Variants in BCAS3 observed in about 807,000 individuals in gnomAD.
The protein encoded by BCAS3 is BCAS4/BCAS3 fusion.
In BCAS3, 53 loss-of-function variants were observed where a neutral mutation model predicts 116.1. The ratio of observed to expected loss-of-function variants is 0.46; its 90% CI spans 0.37 to 0.57. BCAS3 has a LOEUF of 0.57. Among genes scored for constraint, BCAS3 ranks in the 20% least tolerant of loss-of-function variants. BCAS3 has a pLI of 0.00. For missense variants in BCAS3, 917 were observed against 1,165.4 expected (o/e 0.79, Z 3.10); for synonymous variants, 391 against 408.2 (o/e 0.96, Z 0.51).
chr17:60,698,140 C>T (rs2035867066), intron 4 of BCAS3, among the ~76,000 whole-genome samples: 1 of 143,066 alleles, frequency 7.0e-6, no homozygotes, highest in African/African-American at 2.6e-5. Flanking sequence ...GCCGAGATTG[C>T]ACCGCTGCAC....
At chr17:61,000,465 T>C (rs887130101) in intron 15 of BCAS3, among the ~76,000 whole-genome samples, 1 of 152,112 alleles carries the variant, frequency 6.6e-6, no homozygotes, top group Non-Finnish European at 1.5e-5. Context: ...CTTTTCTTTC[T>C]GTAAAATTGG....
intron 3 of BCAS3, among the ~76,000 whole-genome samples, chr17:60,684,449 T>C (rs147868976): frequency 6.8e-4 from 104 of 152,262 alleles, no homozygotes; most frequent in African/African-American, 2.4e-3. Flanking sequence ...TTGAGCAGCA[T>C]TTTTATGCCA....
In BCAS3 at chr17:60,830,425, C is replaced by A. The variant is rs543949624; in HGVS notation, c.476+22349C>A. Among the ~76,000 whole-genome samples, 153 of 152,172 alleles carry A rather than the reference C, an allele frequency of 1.0e-3. 1 individual carries two copies. In the Middle Eastern group the frequency reaches 0.014, roughly 14 times the overall value. ...CAGAAATCCTTGATGTCATCTAGAT[C>A]ATGAAGGGGAAAAATGGGACAAACA... On this transcript the variant is annotated intron_variant, in intron 7 of 23. Transcript: ENST00000407086.
rs1600730940 is a variant in BCAS3 at position 61,045,876 on chromosome 17, A to ATAAATATATATTT, written c.2029+4984_2029+4985insTAAATATATATTT. Among the ~76,000 whole-genome samples the ATAAATATATATTT allele has an allele frequency of 1.0e-4, 4 of 39,730 alleles. No individual in the cohort carries two copies. In the African/African-American group the frequency reaches 1.3e-3, roughly 13 times the overall value. 26.1% of individuals were successfully genotyped at this position (39,730 alleles called of 152,430 possible). A position where few individuals can be genotyped will look rare whatever the true frequency, so the allele number is the denominator to read the frequency against. ...ATATATATATATATAAATATATATA[A>ATAAATATATATTT]ATATATATTATATATATAATATATA... On this transcript the variant is annotated intron_variant, in intron 19 of 23. Transcript: ENST00000407086.
chr17:60,810,237 T>A, intron 7 of BCAS3: 1 of 435,794 alleles, frequency 2.3e-6, no homozygotes, highest in Non-Finnish European at 4.5e-6. Context: ...TGCCCAGCTA[T>A]GGCACCCAGC....
At chr17:60,930,468 A>AT (rs1284570597) in intron 13 of BCAS3, among the ~76,000 whole-genome samples, 2 of 152,034 alleles carry the variant, frequency 1.3e-5, no homozygotes, top group Non-Finnish European at 2.9e-5. Flanking sequence ...TCATTCATTC[A>AT]TTTTTTGAGA....
At chr17:61,005,748 T>G (rs184358061) in intron 15 of BCAS3, among the ~76,000 whole-genome samples, 52 of 151,290 alleles carry the variant, frequency 3.4e-4, no homozygotes, top group Non-Finnish European at 6.2e-4. Flanking sequence ...TTACATTTTG[T>G]GGCTATACTT....
intron 22 of BCAS3, among the ~76,000 whole-genome samples, chr17:61,160,716 A>G (rs927284886): frequency 3.3e-5 from 5 of 152,182 alleles, no homozygotes; most frequent in Non-Finnish European, 5.9e-5. Context: ...ACTACTGATT[A>G]TAGTGGACCA....
At chr17:60,748,444 C>T (rs1197320079) in intron 6 of BCAS3, among the ~76,000 whole-genome samples, 11 of 152,176 alleles carry the variant, frequency 7.2e-5, no homozygotes. Context: ...CTCTGTCACT[C>T]TCTCTCTTGT....
chr17:60,690,758 TA>T (rs769461784), intron 4 of BCAS3, among the ~76,000 whole-genome samples: 20 of 151,452 alleles, frequency 1.3e-4, no homozygotes, highest in Non-Finnish European at 2.8e-4. Flanking sequence ...TCGTCTCTAC[TA>T]AAAATACAAA....
At chr17:61,334,333 A>G (rs1438827093) in intron 22 of BCAS3, among the ~76,000 whole-genome samples, 3 of 152,184 alleles carry the variant, frequency 2.0e-5, no homozygotes, top group Non-Finnish European at 4.4e-5. Context: ...TCTCTCATCT[A>G]TAAGATAGGA....
At chr17:61,150,039 AAG>A (rs1289184233) in intron 22 of BCAS3, among the ~76,000 whole-genome samples, 1 of 152,174 alleles carries the variant, frequency 6.6e-6, no homozygotes, top group Non-Finnish European at 1.5e-5. Flanking sequence ...CCTAACAGGA[AAG>A]GGGGTGGGGA....
rs573285734 is a variant in BCAS3, at chr17:60,724,766, C to T, written c.321+15441C>T. ...TTCTTTTAGTGGGTTGTTGTTTTTA[C>T]CTTTAGGTTTAAGATTCATTAAAAA... On this transcript the variant is annotated intron_variant, in intron 5 of 23. Transcript: ENST00000407086. Among the ~76,000 whole-genome samples the T allele has an allele frequency of 2.0e-5, 3 of 150,346 alleles. No homozygotes were observed. In the South Asian group the frequency reaches 6.3e-4, roughly 32 times the overall value.
At chr17:61,298,243 A>G (rs185065399) in intron 22 of BCAS3, among the ~76,000 whole-genome samples, 104 of 152,222 alleles carry the variant, frequency 6.8e-4, no homozygotes, top group Non-Finnish European at 7.4e-4. Context: ...TGTAGTTCCC[A>G]ACACACTTTT....
rs1040103777 is a variant in BCAS3 at position 61,145,574 on chromosome 17, C to G, written c.2425+61010C>G. 6.6e-6 allele frequency among the ~76,000 whole-genome samples: 1 copy of G among 152,124 alleles called. No individual in the cohort carries two copies. Among genetic ancestry groups the G allele is most frequent in the African/African-American group, 2.4e-5 (1 of 41,418 alleles). ...TTTCCAACCATCTTGCTGATCTGTG[C>G]AGGAGTTCATTGAACTGTACAGCAC... On this transcript the variant is annotated intron_variant, in intron 22 of 23. Transcript: ENST00000407086. The surrounding 1 kb of genome is among the most constrained non-coding windows in gnomAD (Gnocchi z 5.0).
intron 22 of BCAS3, among the ~76,000 whole-genome samples, chr17:61,269,071 G>A (rs2050010167): frequency 6.6e-6 from 1 of 151,556 alleles, no homozygotes; most frequent in South Asian, 2.1e-4. Flanking sequence ...TAATGCTGCA[G>A]TGAACACAGG....
chr17:61,301,418 G>A (rs1208027934), intron 22 of BCAS3, among the ~76,000 whole-genome samples: 3 of 152,196 alleles, frequency 2.0e-5, no homozygotes, highest in Admixed American at 1.3e-4. Context: ...TGGATCACGA[G>A]GTCAGGAGTT....
chr17:61,386,991 C>G (rs1174610739), intron 23 of BCAS3, among the ~76,000 whole-genome samples: 1 of 152,122 alleles, frequency 6.6e-6, no homozygotes, highest in Non-Finnish European at 1.5e-5. Context: ...CCAAGATGGT[C>G]TTGAACTCTT....
rs1362106300 is a variant in BCAS3 at position 61,365,829 on chromosome 17, A to T, written c.2426-2498A>T. ...TTCCCAATTTTCCAGGCTCTGAAAC[A>T]TCTCTGTCCATAAGAAAGCTGAGTG... On this transcript the variant is annotated intron_variant, in intron 22 of 23. Transcript: ENST00000407086. The surrounding 1 kb of genome is among the most constrained non-coding windows in gnomAD (Gnocchi z 4.6). Among the ~76,000 whole-genome samples, 2 of 151,922 alleles carry T rather than the reference A, an allele frequency of 1.3e-5. No homozygotes were observed. The highest frequency in any genetic ancestry group is 2.9e-5 in the Non-Finnish European group (2 of 67,990).
Sources: gnomAD v4.1 joint callset for allele counts (sites outside exome capture counted in the v4.1 genomes callset) on GRCh38, gnomAD v4.1.1 for gene constraint, Gnocchi (gnomAD v3.1) non-coding constraint, MANE v1.5 for transcripts, NCBI Gene and HGNC (gene_info 2026-07-23, HGNC 2026-07-21) for gene names.